The following DUXA variants were observed in gnomAD, a reference collection of about 807,000 sequenced individuals.
DUXA encodes double homeobox protein A.
Under a neutral mutation model 27.5 loss-of-function variants are expected in DUXA, and 25 were observed. That is an observed-to-expected ratio of 0.91 (90% CI 0.66 to 1.27). The LOEUF (loss-of-function observed/expected upper bound fraction) is 1.27, where lower values mean the gene tolerates loss of function less well. DUXA is among the 50% of genes most tolerant of loss of function. The pLI, the probability that DUXA is intolerant of heterozygous loss-of-function variation, is 0.00. For missense variants in DUXA, 247 were observed against 242.9 expected (o/e 1.02, Z -0.11); for synonymous variants, 90 against 80.5 (o/e 1.12, Z -0.63).
intron 1 of DUXA, among the ~76,000 whole-genome samples, chr19:57,165,668 G>C (rs1310423613): frequency 6.6e-6 from 1 of 151,782 alleles, no homozygotes; most frequent in African/African-American, 2.4e-5. Flanking sequence ...AGCCAGGCGT[G>C]GTGGCGGGCG....
At chr19:57,155,654 T>C (rs972363325) in intron 4 of DUXA, among the ~76,000 whole-genome samples, 1 of 148,744 alleles carries the variant, frequency 6.7e-6, no homozygotes, top group Non-Finnish European at 1.5e-5. Context: ...CCAAGATAGA[T>C]AGATAGATAG....
At position 57,159,244 on chromosome 19, in the gene DUXA, A is replaced by G; in HGVS notation, c.215T>C (p.Phe72Ser). Residue 72 changes from phenylalanine (F) to serine (S), a missense_variant, in exon 3 of 6, where the codon TTC becomes TCC. Phe to Ser is a radical substitution (Grantham distance 155, BLOSUM62 -2). Coordinates refer to ENST00000554048, the MANE Select transcript of DUXA (RefSeq NM_001012729.2). ...WFQNRRARHG[F>S]QKRPEAETLE... ...AGTCTCAGCTTCTGGTCTTTTCTGG[A>G]ATCCGTGCCTAGCTCTTCGATTCTG... 6.2e-7 allele frequency: 1 copy of G among 1,614,130 alleles called. No individual in the cohort carries two copies. Among genetic ancestry groups the G allele is most frequent in the Non-Finnish European group, 8.5e-7 (1 of 1,180,024 alleles).
At chr19:57,157,352 G>C (rs1220871510) in intron 4 of DUXA, among the ~76,000 whole-genome samples, 1 of 151,490 alleles carries the variant, frequency 6.6e-6, no homozygotes, top group East Asian at 1.9e-4. Flanking sequence ...TTTTTTTCAA[G>C]ACGGAGTCTT....
intron 5 of DUXA, among the ~76,000 whole-genome samples, chr19:57,154,727 C>T (rs10421494): frequency 0.064 from 9,748 of 152,042 alleles, 457 homozygotes; most frequent in Admixed American, 0.12. Context: ...CCACGCTCGG[C>T]TAATTGTTTG....
Position 57,160,646 on chromosome 19 carries a change from G to C in DUXA, c.177C>G (p.Ile59Met). 1.9e-6 allele frequency: 3 copies of C among 1,612,124 alleles called. No homozygotes were observed. Among genetic ancestry groups the C allele is most frequent in the Non-Finnish European group, 1.7e-6 (2 of 1,179,948 alleles). Residue 59 changes from isoleucine (I) to methionine (M), a missense_variant, in exon 2 of 6, where the codon ATC becomes ATG. Physicochemically the swap from Ile to Met is conservative, Grantham distance 10 (BLOSUM62 1). Transcript: ENST00000554048. ...ALEINTEESR[I>M]QIWFQNRRAR... is the part of the protein sequence containing the mutation. ...GAGATATTGAACTTTAACTTACCTG[G>C]ATTCTGGACTCTTCTGTATTGATTT...
rs1212100015 is a variant in DUXA, at chr19:57,155,277, C to T, written c.534G>A (p.Glu178=). Residue 178 remains glutamate (E), a synonymous_variant, in exon 5 of 6, where the codon GAG becomes GAA. Coordinates refer to ENST00000554048, the MANE Select transcript of DUXA (RefSeq NM_001012729.2). ...CAACAGGCTAGTTACCTTGCAGTCC[C>T]TCAGGAATCTTGCCCTGCTCTTCTT... The part of the protein sequence containing the change: ...LEQEEQGKIP[E]GLQGAEDTQN... 2.5e-6 allele frequency: 4 copies of T among 1,614,134 alleles called. No homozygotes were observed. The highest frequency in any genetic ancestry group is 3.4e-6 in the Non-Finnish European group (4 of 1,179,998).
chr19:57,155,378 T>C lies in DUXA; in HGVS notation c.439-6A>G. 1 of 1,598,796 alleles carries C rather than the reference T, an allele frequency of 6.3e-7. No individual in the cohort carries two copies. The highest frequency in any genetic ancestry group is 2.2e-5 in the East Asian group (1 of 44,788). On this transcript the variant is annotated splice_polypyrimidine_tract_variant and splice_region_variant and intron_variant, in intron 4 of 5. Transcript: ENST00000554048. Reference sequence around the variant, plus strand: ...CTTCGATTTTGGAACCAAATCTAAGTGGTAAGACAAAGAAACTTAATTTAA... The same window carrying C: ...CTTCGATTTTGGAACCAAATCTAAGCGGTAAGACAAAGAAACTTAATTTAA...
At chr19:57,162,715 C>G (rs2122697333) in intron 1 of DUXA, among the ~76,000 whole-genome samples, 1 of 152,274 alleles carries the variant, frequency 6.6e-6, no homozygotes, top group Middle Eastern at 3.4e-3. Context: ...GCTGGGGTTA[C>G]AGGCACGTGC....
intron 2 of DUXA, 62 bp from the exon 3 acceptor site, chr19:57,159,340 C>T (rs932139593): frequency 1.1e-5 from 16 of 1,465,586 alleles, no homozygotes; most frequent in Non-Finnish European, 1.5e-5. Flanking sequence ...ACATCACTGC[C>T]TGTTCCCAAA....
At chr19:57,156,815 C>T (rs1278686420) in intron 4 of DUXA, among the ~76,000 whole-genome samples, 1 of 152,196 alleles carries the variant, frequency 6.6e-6, no homozygotes, top group Non-Finnish European at 1.5e-5. Context: ...TAAGCATGCA[C>T]CACCATGCCC....
At position 57,165,328 on chromosome 19, in the gene DUXA, T is replaced by A. The variant is rs1408382565; in HGVS notation, c.25+2091A>T. 1.3e-4 allele frequency among the ~76,000 whole-genome samples: 15 copies of A among 112,358 alleles called. No homozygotes were observed. In the East Asian group the frequency reaches 2.0e-3, roughly 15 times the overall value. 73.7% of individuals were successfully genotyped at this position (112,358 alleles called of 152,430 possible). On this transcript the variant is annotated intron_variant, in intron 1 of 5. Transcript: ENST00000554048. Reference sequence around the variant, plus strand: ...GAGTAGGAAAAAAAAAAAAAAAATATATATATATATATATATGTATATATA... The same window carrying A: ...GAGTAGGAAAAAAAAAAAAAAAATAAATATATATATATATATGTATATATA...
rs779805740 is a variant in DUXA, at chr19:57,154,406, C to T, written c.*6G>A. On this transcript the variant is annotated 3_prime_UTR_variant, in exon 6 of 6. Coordinates refer to ENST00000554048, the MANE Select transcript of DUXA (RefSeq NM_001012729.2). ...ATATTATCAAGTACACTGAATTTGA[C>T]TGTGTTCACCACGTTCTGGCTCCAG... 1 of 1,612,956 alleles carries T rather than the reference C, an allele frequency of 6.2e-7. No homozygotes were observed. The highest frequency in any genetic ancestry group is 2.2e-5 in the East Asian group (1 of 44,846).
chr19:57,165,324 A>AAATATATATAT (rs1491567041), intron 1 of DUXA, among the ~76,000 whole-genome samples: 13 of 89,282 alleles, frequency 1.5e-4, no homozygotes, highest in South Asian at 3.8e-4. Flanking sequence ...AAAAAAAAAA[A>AAATATATATAT]ATATATATAT....
intron 3 of DUXA, 27 bp from the exon 4 acceptor site, chr19:57,158,500 G>GGC (rs986667937): frequency 5.0e-6 from 8 of 1,606,754 alleles, no homozygotes; most frequent in Non-Finnish European, 6.8e-6. Context: ...AAGATGGAGG[G>GGC]GGGCGGTCAA....
intron 1 of DUXA, among the ~76,000 whole-genome samples, chr19:57,165,319 AAAAAAATATAT>A (rs1177493054): frequency 6.6e-4 from 73 of 109,886 alleles, no homozygotes; most frequent in African/African-American, 1.4e-3. Context: ...GAAAAAAAAA[AAAAAAATATAT>A]ATATATATAT....
chr19:57,163,823 G>A (rs1422725457), intron 1 of DUXA, among the ~76,000 whole-genome samples: 1 of 152,138 alleles, frequency 6.6e-6, no homozygotes, highest in African/African-American at 2.4e-5. Context: ...ATACATTTTT[G>A]TCTTACATTT....
rs2086987084 is a variant in DUXA at position 57,155,296 on chromosome 19, T to C, written c.515A>G (p.Glu172Gly). 1 of 1,614,174 alleles carries C rather than the reference T, an allele frequency of 6.2e-7. No homozygotes were observed. The highest frequency in any genetic ancestry group is 1.3e-5 in the African/African-American group (1 of 75,070). Reference protein sequence around the residue: ...REPVASLEQEEQGKIPEGLQG... With the variant: ...REPVASLEQEGQGKIPEGLQG... ...CAGTCCCTCAGGAATCTTGCCCTGC[T>C]CTTCTTGTTCTAAGGACGCCACAGG... The change falls in exon 5 of 6, where the codon GAG becomes GGG. Residue 172 changes from glutamate to glycine, a missense_variant. Physicochemically the swap from Glu to Gly is moderately conservative, Grantham distance 98. Coordinates refer to ENST00000554048, the MANE Select transcript of DUXA (RefSeq NM_001012729.2).
chr19:57,161,582 C>T (rs1465658121), intron 1 of DUXA, among the ~76,000 whole-genome samples: 1 of 150,006 alleles, frequency 6.7e-6, no homozygotes, highest in Non-Finnish European at 1.5e-5. Context: ...GAGATTGCGC[C>T]ACTGCACTCC....
Position 57,159,415 on chromosome 19 carries a change from C to T in DUXA, c.181-137G>A, listed in dbSNP as rs2087009077. The T allele has an allele frequency of 8.7e-6, 7 of 808,480 alleles. No individual in the cohort carries two copies. In the South Asian group the frequency reaches 1.1e-4, roughly 13 times the overall value. The allele number at this position is 808,480 out of a possible 1,614,324, so 50.1% of individuals were successfully genotyped here. A position where few individuals can be genotyped will look rare whatever the true frequency, so the allele number is the denominator to read the frequency against. ...TTACTTCTGTCACATTCTACCAAGT[C>T]CTTTTTTTTCTTTTTTGAGATAGAG... On this transcript the variant is annotated intron_variant, in intron 2 of 5. Transcript: ENST00000554048.
Sources: allele counts gnomAD v4.1 joint callset (sites outside exome capture counted in the v4.1 genomes callset), GRCh38; gene constraint gnomAD v4.1.1; transcripts MANE v1.5; gene names NCBI Gene and HGNC (gene_info 2026-07-23, HGNC 2026-07-21).